Variants in BRI3 observed in about 807,000 individuals in gnomAD.
BRI3 encodes the protein brain protein I3, also known as membrane protein BRI3.
In BRI3, 6 loss-of-function variants were observed where a neutral mutation model predicts 12.8. The observed-to-expected ratio is 0.47, with a 90% CI of 0.26 to 0.93. The LOEUF (loss-of-function observed/expected upper bound fraction) is 0.93, where lower values mean the gene tolerates loss of function less well. Ranked by LOEUF, BRI3 falls within the 40% of genes least tolerant of loss-of-function variation. The probability of loss-of-function intolerance (pLI) is 0.15; values close to 1 mark genes in which losing one functional copy is unlikely to be tolerated. For synonymous variants in BRI3, 91 were observed against 76.1 expected (o/e 1.20, Z -1.02); for missense variants, 134 against 171.1 (o/e 0.78, Z 1.21).
the BRI3 span, among the ~76,000 whole-genome samples, chr7:98,318,792 A>T: frequency 6.6e-6 from 1 of 151,486 alleles, no homozygotes; most frequent in Non-Finnish European, 1.5e-5. Context: ...AAAAATACAA[A>T]AATTAGCCGG....
chr7:98,282,329 T>G (rs1304696417), intron 1 of BRI3, 22 bp from the exon 2 acceptor site: 4 of 1,590,372 alleles, frequency 2.5e-6, no homozygotes, highest in Non-Finnish European at 3.5e-6. Context: ...TGCACCCTAA[T>G]GACCTGCTTT....
chr7:98,306,366 ATGG>A (rs1800656261), upstream of BRI3: 2 of 1,558,032 alleles, frequency 1.3e-6, no homozygotes, highest in Admixed American at 3.3e-5. Flanking sequence ...ACACAGCTAG[ATGG>A]TGGTGTGTTA....
downstream of BRI3, chr7:98,292,331 C>T (rs756757169): frequency 2.0e-4 from 73 of 357,504 alleles, no homozygotes; most frequent in Middle Eastern, 8.5e-4. Context: ...AAGTGATTCT[C>T]CTGCCTCAGC....
At chr7:98,318,676 G>A in the BRI3 span, among the ~76,000 whole-genome samples, 2 of 151,764 alleles carry the variant, frequency 1.3e-5, no homozygotes, top group African/African-American at 4.8e-5. Context: ...CCGGCATGGT[G>A]GCTCACGCCT....
intron 2 of BRI3, among the ~76,000 whole-genome samples, chr7:98,286,953 C>T (rs558300920): frequency 2.2e-4 from 34 of 152,320 alleles, no homozygotes; most frequent in Non-Finnish European, 3.7e-4. Flanking sequence ...GCTGTGGAAT[C>T]CTGGGGGGTA....
At chr7:98,310,182 A>G (rs1394905062) in exon 2 of BRI3, 3 of 399,452 alleles carry the variant, frequency 7.5e-6, no homozygotes, top group Non-Finnish European at 1.3e-5. Context: ...AATTCTCAAC[A>G]GTATGTTTAC....
upstream of BRI3, among the ~76,000 whole-genome samples, chr7:98,303,675 T>G (rs769430625): frequency 9.9e-5 from 15 of 152,122 alleles, no homozygotes; most frequent in Non-Finnish European, 2.1e-4. Context: ...GCCCAGGACC[T>G]CCATGCTGGG....
At chr7:98,307,775 G>C (rs970133355) in exon 2 of BRI3, 4 of 1,614,136 alleles carry the variant, frequency 2.5e-6, no homozygotes, top group Non-Finnish European at 3.4e-6. Flanking sequence ...GTGCAAAGCT[G>C]AGTAAGGTCT....
intron 2 of BRI3, among the ~76,000 whole-genome samples, chr7:98,285,235 A>C (rs1355696353): frequency 6.6e-6 from 1 of 152,142 alleles, no homozygotes; most frequent in Non-Finnish European, 1.5e-5. Context: ...CTCAGTGGCC[A>C]GCGTGGAGGC....
downstream of BRI3, chr7:98,292,572 T>A (rs1356289780): frequency 8.5e-5 from 125 of 1,464,288 alleles, no homozygotes; most frequent in Non-Finnish European, 1.1e-4. Context: ...AGTCCTCACA[T>A]CCATACCATA....
At chr7:98,308,511 C>G (rs968855344) in exon 2 of BRI3, 1 of 353,894 alleles carries the variant, frequency 2.8e-6, no homozygotes, top group Non-Finnish European at 5.6e-6. Context: ...TTATTATCCA[C>G]AGGACAGACC....
downstream of BRI3, among the ~76,000 whole-genome samples, chr7:98,294,929 A>C (rs1378179247): frequency 1.3e-5 from 2 of 151,716 alleles, no homozygotes; most frequent in African/African-American, 2.4e-5. Context: ...TCTTTCCCTC[A>C]CTCCAAAAAG....
chr7:98,320,928 C>A, the BRI3 span, among the ~76,000 whole-genome samples: 954 of 152,360 alleles, frequency 6.3e-3, 15 homozygotes, highest in African/African-American at 0.022. Flanking sequence ...ACGACCTTGG[C>A]TCACTGCAGC....
intron 1 of BRI3, chr7:98,307,270 T>C: frequency 8.6e-6 from 4 of 463,358 alleles, no homozygotes; most frequent in Non-Finnish European, 1.2e-5. Flanking sequence ...CACGCCTGGC[T>C]AATTTTTGTA....
downstream of BRI3, among the ~76,000 whole-genome samples, chr7:98,294,460 C>T (rs990763005): frequency 1.3e-5 from 2 of 152,312 alleles, no homozygotes; most frequent in African/African-American, 4.8e-5. Flanking sequence ...GGTGTCAGAG[C>T]GTGAACAGAG....
At chr7:98,283,687 T>G (rs1192365773) in intron 2 of BRI3, among the ~76,000 whole-genome samples, 1 of 152,138 alleles carries the variant, frequency 6.6e-6, no homozygotes, top group Non-Finnish European at 1.5e-5. Context: ...TGCGTGTCAT[T>G]GTCCATGCCC....
upstream of BRI3, among the ~76,000 whole-genome samples, chr7:98,303,119 A>G (rs903614688): frequency 6.6e-6 from 1 of 152,222 alleles, no homozygotes; most frequent in African/African-American, 2.4e-5. Flanking sequence ...TTCAAAAGCT[A>G]GCATTCCTAA....
At chr7:98,293,476 G>C (rs751464896), downstream of BRI3, 4 of 1,568,366 alleles carry the variant, frequency 2.6e-6, no homozygotes, top group Non-Finnish European at 2.6e-6. Flanking sequence ...CCATCATTCC[G>C]CAAGGGAGAA....
In BRI3 at chr7:98,307,610, G is replaced by A. The variant is rs11976515; in HGVS notation, n.240G>A. ...TTGGCTAAAATGTGAGCATGTCCAC[G>A]AAGACAGTTTGCAGCTTGGCTGCTC... is the stretch of plus-strand genomic sequence containing the variant. On this transcript the variant is annotated non_coding_transcript_exon_variant, in exon 2 of 2. Transcript: ENST00000485422. 7.6e-5 allele frequency: 120 copies of A among 1,579,184 alleles called. No individual in the cohort carries two copies. In the African/African-American group the frequency reaches 1.4e-3, roughly 18 times the overall value.
Sources: gnomAD v4.1 joint callset for allele counts (sites outside exome capture counted in the v4.1 genomes callset) on GRCh38, gnomAD v4.1.1 for gene constraint, MANE v1.5 for transcripts, NCBI Gene and HGNC (gene_info 2026-07-23, HGNC 2026-07-21) for gene names.